FNDC3B: variants seen among roughly 807,000 people sequenced by gnomAD.
FNDC3B encodes fibronectin type III domain-containing protein 3B.
In FNDC3B, 12 loss-of-function variants were observed where a neutral mutation model predicts 151.5. The observed-to-expected ratio is 0.08, with a 90% confidence interval of 0.05 to 0.13. The LOEUF is 0.13. Ranked by LOEUF, FNDC3B falls within the 10% of genes least tolerant of loss-of-function variation. FNDC3B has a pLI of 1.00. For missense variants in FNDC3B, 1,214 were observed against 1,505.3 expected, an observed-to-expected ratio of 0.81 and a Z score of 3.20; for synonymous variants, 528 against 549.0, an observed-to-expected ratio of 0.96 and a Z score of 0.54.
At chr3:172,051,753 T>A (rs1238986131) in intron 1 of FNDC3B, among the ~76,000 whole-genome samples, 1 of 152,222 alleles carries the variant, frequency 6.6e-6, no homozygotes, top group Non-Finnish European at 1.5e-5. Context: ...TAATAAATAT[T>A]TAATTGAACA....
chr3:172,362,488 C>T lies in FNDC3B; in HGVS notation c.2796-145C>T, dbSNP rs1029760279. On this transcript the variant is annotated intron_variant, in intron 22 of 25. Transcript: ENST00000415807. The stretch of plus-strand genomic sequence containing the variant: ...TGAGCAACCCCGTGCTTCTATTTGT[C>T]TTGAGTTACTTTAACTTGTTTTTCT... 3.6e-5 allele frequency: 24 copies of T among 675,232 alleles called. No individual in the cohort carries two copies. The African/African-American group carries it at 4.0e-4, about 11-fold the overall frequency. 41.8% of individuals were successfully genotyped at this position (675,232 alleles called of 1,614,324 possible).
Position 172,095,165 on chromosome 3 carries a change from T to A in FNDC3B, c.-28-17287T>A, listed in dbSNP as rs140915093. 4.5e-3 allele frequency among the ~76,000 whole-genome samples: 689 copies of A among 152,272 alleles called. 13 individuals carry two copies. Among genetic ancestry groups the A allele is most frequent in the East Asian group, 0.039 (202 of 5,166 alleles). On this transcript the variant is annotated intron_variant, in intron 1 of 25. Transcript: ENST00000415807. ...ATCCTGTTGTTCAAAGTAAATGTAT[T>A]TTTACCAACTGTTTGAGAGAGGAAA...
intron 25 of FNDC3B, among the ~76,000 whole-genome samples, chr3:172,390,482 C>T (rs936545632): frequency 6.6e-6 from 1 of 150,704 alleles, no homozygotes; most frequent in African/African-American, 2.4e-5. Flanking sequence ...TATATGAAGT[C>T]TTTGTTCAAG....
intron 3 of FNDC3B, among the ~76,000 whole-genome samples, chr3:172,153,767 T>G (rs563664513): frequency 6.6e-6 from 1 of 152,354 alleles, no homozygotes; most frequent in South Asian, 2.1e-4. Flanking sequence ...AGCCCCAGTC[T>G]GTCTCAAACA....
chr3:172,321,055 T>C (rs1732054297), intron 11 of FNDC3B, among the ~76,000 whole-genome samples: 2 of 152,248 alleles, frequency 1.3e-5, no homozygotes, highest in South Asian at 4.1e-4. Context: ...AGTTTTCAAG[T>C]AGGTAGACCA....
At chr3:172,065,070 A>C (rs1025045270) in intron 1 of FNDC3B, among the ~76,000 whole-genome samples, 6 of 152,224 alleles carry the variant, frequency 3.9e-5, no homozygotes, top group Non-Finnish European at 8.8e-5. Context: ...GCGGTGGCTC[A>C]CGCCTGTAAT....
chr3:172,388,832 G>A (rs1735861108), intron 25 of FNDC3B, among the ~76,000 whole-genome samples: 1 of 152,110 alleles, frequency 6.6e-6, no homozygotes, highest in Non-Finnish European at 1.5e-5. Context: ...ATTTCTGCAA[G>A]GCGGGGCAGG....
chr3:172,394,286 G>A (rs1223098957), intron 25 of FNDC3B, among the ~76,000 whole-genome samples: 1 of 151,574 alleles, frequency 6.6e-6, no homozygotes, highest in Non-Finnish European at 1.5e-5. Context: ...AAGGAAACAA[G>A]ATGAAAACAG....
At chr3:172,308,820 T>C (rs1731319574) in intron 10 of FNDC3B, among the ~76,000 whole-genome samples, 1 of 152,252 alleles carries the variant, frequency 6.6e-6, no homozygotes, top group South Asian at 2.1e-4. Flanking sequence ...AGTATACACA[T>C]CCATTTAAAA....
rs577989088 is a variant in FNDC3B at position 172,289,737 on chromosome 3, C to G, written c.849+3753C>G. 2.0e-3 allele frequency among the ~76,000 whole-genome samples: 307 copies of G among 152,338 alleles called. 1 individual carries two copies. The highest frequency in any genetic ancestry group is 7.2e-3 in the African/African-American group (298 of 41,578). ...GGCCGGGGGCACAAACGCCGGAAGT[C>G]TGACCAGCCTCAGGATGTGCCTCCG... On this transcript the variant is annotated intron_variant, in intron 7 of 25. Transcript: ENST00000415807.
intron 22 of FNDC3B, among the ~76,000 whole-genome samples, chr3:172,356,688 G>A (rs746837954): frequency 1.3e-5 from 2 of 152,124 alleles, no homozygotes; most frequent in Non-Finnish European, 2.9e-5. Context: ...AACTTTACTC[G>A]GAGCCCATCT....
Position 172,341,075 on chromosome 3 carries a change from C to T in FNDC3B, c.1853-38C>T, listed in dbSNP as rs1576928199. 4.4e-6 allele frequency: 6 copies of T among 1,364,926 alleles called. No individual in the cohort carries two copies. In the East Asian group the frequency reaches 1.1e-4, roughly 26 times the overall value. The allele number at this position is 1,364,926 out of a possible 1,614,324, so 84.6% of individuals were successfully genotyped here. ...CAATGGCTGATATGCTACATTTTTA[C>T]AAGAGGCATAAAGTCATGCATAAGT... On this transcript the variant is annotated intron_variant, in intron 16 of 25. Coordinates refer to ENST00000415807, the MANE Select transcript of FNDC3B (RefSeq NM_022763.4).
chr3:172,172,298 C>G (rs535126182), intron 3 of FNDC3B, among the ~76,000 whole-genome samples: 4 of 152,068 alleles, frequency 2.6e-5, no homozygotes, highest in East Asian at 1.9e-4. Flanking sequence ...TAAAACTTAC[C>G]TAGATCTTAA....
At chr3:172,395,685 T>C (rs1736238815) in intron 25 of FNDC3B, among the ~76,000 whole-genome samples, 1 of 152,282 alleles carries the variant, frequency 6.6e-6, no homozygotes, top group Admixed American at 6.5e-5. Context: ...CACATATATC[T>C]GGCTAAGGAC....
chr3:172,132,141 T>C (rs1029281230), intron 2 of FNDC3B, among the ~76,000 whole-genome samples: 13 of 152,280 alleles, frequency 8.5e-5, no homozygotes, highest in Middle Eastern at 3.4e-3. Context: ...CAAAACACTG[T>C]TATCACAAGC....
At chr3:172,279,899 C>CGTT (rs59528273) in intron 6 of FNDC3B, among the ~76,000 whole-genome samples, 5,596 of 151,454 alleles carry the variant, frequency 0.037, 337 homozygotes, top group African/African-American at 0.13. Flanking sequence ...AACACATATT[C>CGTT]GTTGTTGTTG....
At chr3:172,122,392 G>C (rs1332877638) in intron 2 of FNDC3B, among the ~76,000 whole-genome samples, 1 of 152,110 alleles carries the variant, frequency 6.6e-6, no homozygotes, top group Non-Finnish European at 1.5e-5. Context: ...GGATTTAGCT[G>C]CCTTTAGATT....
intron 1 of FNDC3B, among the ~76,000 whole-genome samples, chr3:172,067,969 A>G (rs968510280): frequency 6.6e-6 from 1 of 152,164 alleles, no homozygotes; most frequent in Non-Finnish European, 1.5e-5. Flanking sequence ...TGGGCTGTAC[A>G]TGGCCTCCCT....
intron 25 of FNDC3B, among the ~76,000 whole-genome samples, chr3:172,387,663 C>T (rs973213730): frequency 6.6e-6 from 1 of 152,056 alleles, no homozygotes; most frequent in Non-Finnish European, 1.5e-5. Context: ...CATACATGTA[C>T]CCATACCTCT....
Sources: gnomAD v4.1 joint callset for allele counts (sites outside exome capture counted in the v4.1 genomes callset) on GRCh38, gnomAD v4.1.1 for gene constraint, MANE v1.5 for transcripts, NCBI Gene and HGNC (gene_info 2026-07-23, HGNC 2026-07-21) for gene names.